The following LRRFIP2 variants were observed in gnomAD, a reference collection of about 807,000 sequenced individuals.
LRRFIP2 encodes LRR binding FLII interacting protein 2, also known as leucine-rich repeat flightless-interacting protein 2.
Under a neutral mutation model 125.9 loss-of-function variants are expected in LRRFIP2, and 109 were observed. That is an observed-to-expected ratio of 0.87 (90% confidence interval 0.74 to 1.01). The LOEUF is 1.01. LRRFIP2 is among the 50% of genes least tolerant of loss of function. The pLI is 0.00. For missense variants in LRRFIP2, 850 were observed against 862.3 expected (o/e 0.99, Z 0.18); for synonymous variants, 291 against 293.1 (o/e 0.99, Z 0.07).
chr3:37,055,022 G>T, intron 26 of LRRFIP2, 64 bp downstream of exon 26: 1 of 1,077,436 alleles, frequency 9.3e-7, no homozygotes, highest in Non-Finnish European at 1.4e-6. Context: ...GCACTCATGG[G>T]TTGTTAGCCA....
intron 17 of LRRFIP2, among the ~76,000 whole-genome samples, chr3:37,093,446 C>T (rs1217088250): frequency 1.3e-5 from 2 of 152,168 alleles, no homozygotes; most frequent in Non-Finnish European, 2.9e-5. Flanking sequence ...TCACTCTCAC[C>T]TTTAAAAGAA....
intron 1 of LRRFIP2, among the ~76,000 whole-genome samples, chr3:37,161,610 T>C (rs1268653447): frequency 6.6e-6 from 1 of 152,042 alleles, no homozygotes; most frequent in Non-Finnish European, 1.5e-5. Context: ...GTAGGGGTAA[T>C]GAAAACCTTC....
chr3:37,094,313 A>G (rs2093616982), intron 17 of LRRFIP2, among the ~76,000 whole-genome samples: 1 of 152,230 alleles, frequency 6.6e-6, no homozygotes, highest in South Asian at 2.1e-4. Flanking sequence ...TAATGAGTCA[A>G]ATAAGCTTTT....
chr3:37,163,775 G>C (rs1456964920), intron 1 of LRRFIP2, among the ~76,000 whole-genome samples: 3 of 152,180 alleles, frequency 2.0e-5, no homozygotes, highest in African/African-American at 7.2e-5. Flanking sequence ...GGACATGGAG[G>C]ATATTGCAGG....
chr3:37,129,272 A>G (rs1243887577), intron 2 of LRRFIP2, 123 bp from the exon 3 acceptor site: 2 of 717,652 alleles, frequency 2.8e-6, no homozygotes, highest in African/African-American at 1.8e-5. Flanking sequence ...GATATTATCT[A>G]TCAGCAAGCA....
At chr3:37,164,225 C>T (rs7634972) in intron 1 of LRRFIP2, among the ~76,000 whole-genome samples, 58,125 of 151,838 alleles carry the variant, frequency 0.38, 11,823 homozygotes, top group Non-Finnish European at 0.45. Context: ...TATGATATAC[C>T]ACATGGCTGA....
intron 19 of LRRFIP2, among the ~76,000 whole-genome samples, chr3:37,078,229 T>C (rs1360913150): frequency 1.3e-5 from 2 of 152,104 alleles, no homozygotes; most frequent in Non-Finnish European, 2.9e-5. Flanking sequence ...TAAAATGCAG[T>C]GAACCTAACT....
chr3:37,066,001 G>T, intron 22 of LRRFIP2, 59 bp from the exon 23 acceptor site: 1 of 1,604,804 alleles, frequency 6.2e-7, no homozygotes, highest in South Asian at 1.1e-5. Context: ...TAAGCTCTGT[G>T]AGGTCACTCT....
chr3:37,141,134 G>A (rs539972892), intron 2 of LRRFIP2, among the ~76,000 whole-genome samples: 2 of 152,202 alleles, frequency 1.3e-5, no homozygotes, highest in African/African-American at 4.8e-5. Flanking sequence ...CTGGGCAACA[G>A]AGCAAGACCC....
chr3:37,147,268 G>C (rs1423652640), intron 2 of LRRFIP2, among the ~76,000 whole-genome samples: 1 of 152,182 alleles, frequency 6.6e-6, no homozygotes, highest in African/African-American at 2.4e-5. Flanking sequence ...GAGAATGTTA[G>C]TTAGTTCAAC....
intron 1 of LRRFIP2, among the ~76,000 whole-genome samples, chr3:37,172,068 C>A (rs1036229499): frequency 5.9e-5 from 9 of 152,192 alleles, no homozygotes; most frequent in Non-Finnish European, 1.2e-4. Context: ...TCCCCTTCCA[C>A]AAGCCCAAGA....
intron 18 of LRRFIP2, among the ~76,000 whole-genome samples, chr3:37,087,467 A>G (rs1202363297): frequency 6.6e-6 from 1 of 152,242 alleles, no homozygotes; most frequent in African/African-American, 2.4e-5. Context: ...AATGTATCCA[A>G]TGTAATCTTC....
intron 1 of LRRFIP2, among the ~76,000 whole-genome samples, 187 bp from the exon 2 acceptor site, chr3:37,149,225 C>G (rs922934446): frequency 6.6e-6 from 1 of 152,190 alleles, no homozygotes; most frequent in African/African-American, 2.4e-5. Flanking sequence ...TTTCACTATG[C>G]TACCCACAGC....
chr3:37,098,379 AT>A (rs1408505921), intron 15 of LRRFIP2, among the ~76,000 whole-genome samples: 2 of 146,048 alleles, frequency 1.4e-5, no homozygotes, highest in African/African-American at 2.5e-5. Context: ...TTTAACTTTA[AT>A]TTTTTTTCTT....
intron 25 of LRRFIP2, among the ~76,000 whole-genome samples, chr3:37,057,534 C>CT (rs58257408): frequency 0.025 from 3,633 of 144,790 alleles, 116 homozygotes; most frequent in African/African-American, 0.068. Flanking sequence ...AGTCTTTTCT[C>CT]TTTTTTTTTT....
At position 37,126,712 on chromosome 3, in the gene LRRFIP2, A is replaced by G. The variant is rs376476996; in HGVS notation, c.228+918T>C. Among the ~76,000 whole-genome samples the G allele has an allele frequency of 3.2e-4, 49 of 152,100 alleles. No individual in the cohort carries two copies. The East Asian group carries it at 8.7e-3, about 27-fold the overall frequency. On this transcript the variant is annotated intron_variant, in intron 4 of 27. Coordinates refer to ENST00000336686, the MANE Select transcript of LRRFIP2 (RefSeq NM_006309.4). ...TGTCTCCACTAAAAATACAAAAATC[A>G]GCTGGGCATGGTGGCGGGCGCCTGT...
intron 19 of LRRFIP2, among the ~76,000 whole-genome samples, chr3:37,083,341 G>A (rs1576294009): frequency 6.6e-6 from 1 of 152,126 alleles, no homozygotes; most frequent in African/African-American, 2.4e-5. Flanking sequence ...GAAGAAATAA[G>A]TAACACTGTA....
At chr3:37,173,213 G>C (rs1363250029) in intron 1 of LRRFIP2, among the ~76,000 whole-genome samples, 3 of 151,486 alleles carry the variant, frequency 2.0e-5, no homozygotes, top group African/African-American at 4.9e-5. Context: ...AAAAAAAGTT[G>C]AGTTTCATTT....
intron 2 of LRRFIP2, among the ~76,000 whole-genome samples, chr3:37,145,037 GT>G (rs1444837596): frequency 6.6e-6 from 1 of 152,144 alleles, no homozygotes; most frequent in Non-Finnish European, 1.5e-5. Context: ...TATTTACTGT[GT>G]TGCCATGGTT....
Sources: gnomAD v4.1 joint callset for allele counts (sites outside exome capture counted in the v4.1 genomes callset) on GRCh38, gnomAD v4.1.1 for gene constraint, MANE v1.5 for transcripts, NCBI Gene and HGNC (gene_info 2026-07-23, HGNC 2026-07-21) for gene names.